FNBP1L: variants seen among roughly 807,000 people sequenced by gnomAD.
The protein encoded by FNBP1L is formin binding protein 1 like.
FNBP1L carries 36 observed loss-of-function variants against 91.2 expected under a neutral mutation model. The ratio of observed to expected loss-of-function variants is 0.39; its 90% CI spans 0.30 to 0.52. The LOEUF is 0.52. FNBP1L is among the 20% of genes least tolerant of loss of function. The pLI is 0.66. For synonymous variants in FNBP1L, 242 were observed against 237.0 expected, an observed-to-expected ratio of 1.02 and a Z score of -0.19; for missense variants, 571 against 732.1, an observed-to-expected ratio of 0.78 and a Z score of 2.54.
At chr1:93,512,470 A>G (rs1670891992) in intron 2 of FNBP1L, among the ~76,000 whole-genome samples, 1 of 151,910 alleles carries the variant, frequency 6.6e-6, no homozygotes, top group East Asian at 1.9e-4. Flanking sequence ...AGAATATACA[A>G]TTTTTTCAGC....
At chr1:93,526,828 G>A (rs927082948) in intron 5 of FNBP1L, among the ~76,000 whole-genome samples, 6 of 152,094 alleles carry the variant, frequency 3.9e-5, no homozygotes, top group African/African-American at 9.7e-5. Context: ...GGAATTATTA[G>A]GTAGGTGTTT....
intron 2 of FNBP1L, among the ~76,000 whole-genome samples, chr1:93,513,787 T>C (rs1670957044): frequency 6.6e-6 from 1 of 152,178 alleles, no homozygotes; most frequent in Non-Finnish European, 1.5e-5. Flanking sequence ...ATAAGAGCTA[T>C]CTACAACAAA....
At chr1:93,450,169 G>GT (rs907913765) in intron 1 of FNBP1L, among the ~76,000 whole-genome samples, 123 of 149,342 alleles carry the variant, frequency 8.2e-4, no homozygotes, top group African/African-American at 2.3e-3. Context: ...GATTTTAAAA[G>GT]TTTTTTTTTT....
At chr1:93,482,483 C>G (rs372822847) in intron 1 of FNBP1L, among the ~76,000 whole-genome samples, 6 of 152,088 alleles carry the variant, frequency 3.9e-5, no homozygotes, top group Admixed American at 3.9e-4. Context: ...AAGGTTCGCT[C>G]TAGTGCTCTT....
At chr1:93,531,136 TTAAG>T (rs1427560652) in intron 7 of FNBP1L, among the ~76,000 whole-genome samples, 5 of 152,202 alleles carry the variant, frequency 3.3e-5, no homozygotes, top group Non-Finnish European at 7.4e-5. Context: ...TTTAAATACT[TTAAG>T]TATTTTGACA....
chr1:93,457,383 T>C (rs1291029327), intron 1 of FNBP1L, among the ~76,000 whole-genome samples: 1 of 152,248 alleles, frequency 6.6e-6, no homozygotes, highest in Non-Finnish European at 1.5e-5. Context: ...ATTTTATGTA[T>C]AGAATTTGTG....
At chr1:93,509,689 A>G (rs573330486) in intron 2 of FNBP1L, among the ~76,000 whole-genome samples, 2 of 152,302 alleles carry the variant, frequency 1.3e-5, no homozygotes, top group South Asian at 2.1e-4. Flanking sequence ...CTGCATTTCC[A>G]TCTGAGGTAC....
chr1:93,472,195 A>C (rs994809371), intron 1 of FNBP1L, among the ~76,000 whole-genome samples: 6 of 152,180 alleles, frequency 3.9e-5, no homozygotes, highest in African/African-American at 1.4e-4. Flanking sequence ...TATGTACTCT[A>C]AAATCTTTAC....
intron 2 of FNBP1L, among the ~76,000 whole-genome samples, chr1:93,514,186 A>C (rs1670979182): frequency 6.6e-6 from 1 of 152,250 alleles, no homozygotes; most frequent in Non-Finnish European, 1.5e-5. Context: ...AGGGAATAAA[A>C]TACCTAGGAA....
At chr1:93,512,956 A>G (rs570701880) in intron 2 of FNBP1L, among the ~76,000 whole-genome samples, 1 of 152,084 alleles carries the variant, frequency 6.6e-6, no homozygotes, top group Non-Finnish European at 1.5e-5. Context: ...GACACAAAAA[A>G]CCCTTCAAAA....
chr1:93,511,732 C>T lies in FNBP1L; in HGVS notation c.141-10350C>T, dbSNP rs561388751. 9.2e-3 allele frequency among the ~76,000 whole-genome samples: 1,405 copies of T among 151,988 alleles called. 22 individuals carry two copies. Among genetic ancestry groups the T allele is most frequent in the African/African-American group, 0.032 (1,334 of 41,442 alleles). On this transcript the variant is annotated intron_variant, in intron 2 of 16. Coordinates refer to ENST00000271234, the MANE Select transcript of FNBP1L (RefSeq NM_001164473.3). ...CTGTAATCCCAGCACTTTGGGAGGC[C>T]GAGGCGGGCGGATCACGAGGTCAGG... is the stretch of plus-strand genomic sequence containing the variant.
chr1:93,472,977 G>C (rs1669355666), intron 1 of FNBP1L, among the ~76,000 whole-genome samples: 1 of 151,884 alleles, frequency 6.6e-6, no homozygotes, highest in Admixed American at 6.6e-5. Context: ...ACTGCGTTTT[G>C]TATGACTGTT....
chr1:93,472,384 G>T (rs1041174526), intron 1 of FNBP1L, among the ~76,000 whole-genome samples: 1 of 152,136 alleles, frequency 6.6e-6, no homozygotes, highest in African/African-American at 2.4e-5. Context: ...CTACTTCATA[G>T]TAAGTGGCAG....
At chr1:93,469,996 G>A (rs1406885892) in intron 1 of FNBP1L, among the ~76,000 whole-genome samples, 1 of 152,122 alleles carries the variant, frequency 6.6e-6, no homozygotes, top group African/African-American at 2.4e-5. Context: ...AAATGTAATT[G>A]TGGTGTTAAA....
chr1:93,503,923 C>G (rs1363849050), intron 2 of FNBP1L, among the ~76,000 whole-genome samples: 1 of 152,058 alleles, frequency 6.6e-6, no homozygotes, highest in Non-Finnish European at 1.5e-5. Context: ...AAATTATATT[C>G]CCCAGCCTCC....
chr1:93,525,007 G>A (rs1428584790), intron 5 of FNBP1L, among the ~76,000 whole-genome samples: 2 of 151,266 alleles, frequency 1.3e-5, no homozygotes, highest in East Asian at 1.9e-4. Context: ...AGATGTTCAC[G>A]TAGAACACTG....
chr1:93,547,195 A>G (rs1672271038), intron 13 of FNBP1L, among the ~76,000 whole-genome samples, 152 bp from the exon 14 acceptor site: 2 of 152,180 alleles, frequency 1.3e-5, no homozygotes, highest in Admixed American at 6.5e-5. Flanking sequence ...AATCAGCTAT[A>G]AAGTTGATCC....
At chr1:93,495,545 A>G (rs1207487046) in intron 1 of FNBP1L, among the ~76,000 whole-genome samples, 1 of 152,224 alleles carries the variant, frequency 6.6e-6, no homozygotes, top group Non-Finnish European at 1.5e-5. Flanking sequence ...TAAAAACAAT[A>G]CCTTTAAGGC....
At position 93,552,291 on chromosome 1, in the gene FNBP1L, G is replaced by A. The variant is rs1320467243; in HGVS notation, c.1811-118G>A. 8.2e-6 allele frequency: 12 copies of A among 1,470,290 alleles called. No homozygotes were observed. The East Asian group carries it at 1.2e-4, about 15-fold the overall frequency. 91.1% of individuals were successfully genotyped at this position (1,470,290 alleles called of 1,614,324 possible). ...TGTTTTAAATTTTCCTGGTGTTTTC[G>A]GTAGCTGACTATAAAATGATAGAGA... is the stretch of plus-strand genomic sequence containing the variant. On this transcript the variant is annotated intron_variant, in intron 16 of 16. Coordinates refer to ENST00000271234, the MANE Select transcript of FNBP1L (RefSeq NM_001164473.3).
Sources: gnomAD v4.1 joint callset for allele counts (sites outside exome capture counted in the v4.1 genomes callset) on GRCh38, gnomAD v4.1.1 for gene constraint, MANE v1.5 for transcripts, NCBI Gene and HGNC (gene_info 2026-07-23, HGNC 2026-07-21) for gene names.